Variants in STARD13 observed in about 807,000 individuals in gnomAD.
The protein encoded by STARD13 is stAR-related lipid transfer protein 13.
STARD13 carries 62 observed loss-of-function variants against 106.4 expected under a neutral mutation model. The observed-to-expected ratio is 0.58, with a 90% confidence interval of 0.48 to 0.72. The LOEUF is 0.72. Ranked by LOEUF, STARD13 falls within the 30% of genes least tolerant of loss-of-function variation. The pLI, the probability that STARD13 is intolerant of heterozygous loss-of-function variation, is 0.00. For missense variants in STARD13, 1,387 were observed against 1,424.0 expected, an observed-to-expected ratio of 0.97 and a Z score of 0.42; for synonymous variants, 565 against 553.0, an observed-to-expected ratio of 1.02 and a Z score of -0.31.
the STARD13 span, among the ~76,000 whole-genome samples, chr13:33,428,980 C>A: frequency 2.0e-5 from 3 of 152,170 alleles, no homozygotes; most frequent in Non-Finnish European, 4.4e-5. Context: ...GAGATATCAT[C>A]TTACCCTAGT....
intron 1 of STARD13, among the ~76,000 whole-genome samples, chr13:33,187,524 A>G (rs571122925): frequency 6.6e-6 from 1 of 152,106 alleles, no homozygotes; most frequent in African/African-American, 2.4e-5. Flanking sequence ...AAGGGCATGC[A>G]TTTTACTGAG....
chr13:33,378,558 A>G, the STARD13 span, among the ~76,000 whole-genome samples: 1 of 152,164 alleles, frequency 6.6e-6, no homozygotes, highest in African/African-American at 2.4e-5. Flanking sequence ...TGAGAGGCCG[A>G]GGCGGGCGGA....
At chr13:33,382,878 C>A in the STARD13 span, among the ~76,000 whole-genome samples, 3 of 152,140 alleles carry the variant, frequency 2.0e-5, no homozygotes, top group South Asian at 2.1e-4. Flanking sequence ...TTAGCTATTA[C>A]TATTATAATT....
chr13:33,360,885 T>G, the STARD13 span, among the ~76,000 whole-genome samples: 1 of 145,646 alleles, frequency 6.9e-6, no homozygotes, highest in Non-Finnish European at 1.5e-5. Flanking sequence ...AAGCTCCGCC[T>G]CCCAGGTTCA....
chr13:33,497,236 G>A, the STARD13 span, among the ~76,000 whole-genome samples: 4 of 152,184 alleles, frequency 2.6e-5, no homozygotes, highest in African/African-American at 4.8e-5. Context: ...TGTTGTTGAC[G>A]TTATGTGCTA....
At chr13:33,301,864 G>A (rs11617954) in intron 1 of STARD13, among the ~76,000 whole-genome samples, 25,178 of 138,902 alleles carry the variant, frequency 0.18, 2,657 homozygotes, top group Non-Finnish European at 0.24. Flanking sequence ...CACCGCGCCC[G>A]GCCTCCACCT....
At chr13:33,336,959 C>A (rs934093372) in intron 1 of STARD13, among the ~76,000 whole-genome samples, 1 of 151,516 alleles carries the variant, frequency 6.6e-6, no homozygotes, top group African/African-American at 2.4e-5. Flanking sequence ...TATTTTTGCA[C>A]CAACATAATA....
chr13:33,208,446 C>A (rs1332313345), intron 1 of STARD13, among the ~76,000 whole-genome samples: 1 of 152,040 alleles, frequency 6.6e-6, no homozygotes, highest in Non-Finnish European at 1.5e-5. Context: ...ACAGGGAACA[C>A]GTGGGGGAAA....
the STARD13 span, among the ~76,000 whole-genome samples, chr13:33,625,778 T>A: frequency 4.6e-5 from 7 of 151,492 alleles, no homozygotes; most frequent in Admixed American, 3.9e-4. Flanking sequence ...CACAGCTCAC[T>A]GCAACCTCCA....
the STARD13 span, among the ~76,000 whole-genome samples, chr13:33,368,955 C>T: frequency 6.6e-6 from 1 of 152,136 alleles, no homozygotes; most frequent in South Asian, 2.1e-4. Flanking sequence ...ACCATGGAAG[C>T]CACCAGTAGC....
intron 1 of STARD13, among the ~76,000 whole-genome samples, chr13:33,259,224 G>A (rs1188302104): frequency 6.6e-6 from 1 of 152,206 alleles, no homozygotes; most frequent in Admixed American, 6.5e-5. Flanking sequence ...AATAAATGCA[G>A]GAATGGATGA....
At chr13:33,452,440 C>T in the STARD13 span, among the ~76,000 whole-genome samples, 2 of 152,208 alleles carry the variant, frequency 1.3e-5, no homozygotes, top group Non-Finnish European at 2.9e-5. Context: ...GAGCTTCATG[C>T]TTAAATACTG....
At position 33,176,326 on chromosome 13, in the gene STARD13, A is replaced by G. The variant is rs77490227; in HGVS notation, c.170-8704T>C. Reference sequence around the variant, plus strand: ...ATAAAATATTTACTAGGATTTTTCAACGTGTCTTTGCCAGTTTTCTGGAAC... The same window carrying G: ...ATAAAATATTTACTAGGATTTTTCAGCGTGTCTTTGCCAGTTTTCTGGAAC... On this transcript the variant is annotated intron_variant, in intron 1 of 13. Transcript: ENST00000336934. Among the ~76,000 whole-genome samples the G allele has an allele frequency of 3.3e-3, 499 of 152,298 alleles. 5 individuals are homozygous for G. Among genetic ancestry groups the G allele is most frequent in the African/African-American group, 0.011 (474 of 41,570 alleles).
intron 1 of STARD13, chr13:33,281,076 C>T (rs1412589774): frequency 6.6e-6 from 1 of 152,142 alleles, no homozygotes; most frequent in African/African-American, 2.4e-5. Flanking sequence ...CAATCCTGTT[C>T]AAAGAGTTGC....
chr13:33,172,931 T>A (rs939715517), intron 1 of STARD13, among the ~76,000 whole-genome samples: 1 of 152,216 alleles, frequency 6.6e-6, no homozygotes, highest in African/African-American at 2.4e-5. Context: ...TCTTCTTTTT[T>A]AAATGTTCGT....
intron 1 of STARD13, among the ~76,000 whole-genome samples, chr13:33,235,814 C>A (rs1317501808): frequency 6.6e-6 from 1 of 152,212 alleles, no homozygotes; most frequent in South Asian, 2.1e-4. Flanking sequence ...TTTGGCCAGG[C>A]CTCCAGGTGA....
At chr13:33,400,524 C>T in the STARD13 span, among the ~76,000 whole-genome samples, 1 of 151,296 alleles carries the variant, frequency 6.6e-6, no homozygotes, top group Non-Finnish European at 1.5e-5. Flanking sequence ...TGTAGTGGCA[C>T]AATCTCAGCT....
chr13:33,386,644 C>G, the STARD13 span, among the ~76,000 whole-genome samples: 1 of 152,158 alleles, frequency 6.6e-6, no homozygotes, highest in African/African-American at 2.4e-5. Flanking sequence ...GTGTCTCTTT[C>G]TGTTCTCTCA....
chr13:33,189,097 T>A (rs1277876968), intron 1 of STARD13, among the ~76,000 whole-genome samples: 4 of 152,212 alleles, frequency 2.6e-5, no homozygotes, highest in African/African-American at 9.6e-5. Context: ...TTTATTTTGT[T>A]TCTTTTAATT....
Sources: allele counts gnomAD v4.1 joint callset (sites outside exome capture counted in the v4.1 genomes callset), GRCh38; gene constraint gnomAD v4.1.1; transcripts MANE v1.5; gene names NCBI Gene and HGNC (gene_info 2026-07-23, HGNC 2026-07-21).